Variants in LPP observed in about 807,000 individuals in gnomAD.
LPP encodes the protein lipoma-preferred partner.
In LPP, 38 loss-of-function variants were observed where a neutral mutation model predicts 60.4. The ratio of observed to expected loss-of-function variants is 0.63; its 90% confidence interval spans 0.49 to 0.83. LPP has a LOEUF of 0.83. Among genes scored for constraint, LPP ranks in the 40% least tolerant of loss-of-function variants. The probability of loss-of-function intolerance (pLI) is 0.00; values close to 1 mark genes in which losing one functional copy is unlikely to be tolerated. For missense variants in LPP, 902 were observed against 783.6 expected (o/e 1.15, Z -1.80); for synonymous variants, 328 against 290.8 (o/e 1.13, Z -1.30).
chr3:188,224,254 A>G (rs1379693219), intron 1 of LPP, among the ~76,000 whole-genome samples: 1 of 152,172 alleles, frequency 6.6e-6, no homozygotes, highest in Non-Finnish European at 1.5e-5. Context: ...GGTCATTTAA[A>G]AAATCCCTCC....
chr3:188,650,792 T>C (rs1369407546), intron 7 of LPP, among the ~76,000 whole-genome samples: 4 of 152,202 alleles, frequency 2.6e-5, no homozygotes, highest in Non-Finnish European at 5.9e-5. Flanking sequence ...CTATAATTCA[T>C]AGGCAAAATC....
Position 188,890,335 on chromosome 3 carries a change from G to A in LPP, c.*15856G>A, listed in dbSNP as rs1771113081. On this transcript the variant is annotated 3_prime_UTR_variant, in exon 12 of 12. Coordinates refer to ENST00000617246, the MANE Select transcript of LPP (RefSeq NM_001375462.1). ...AGAGCCATGGTATTCCTAAAATATA[G>A]GTTTCTCTTTTTTCTTGTATTCTTA... 1 of 205,492 alleles carries A rather than the reference G, an allele frequency of 4.9e-6. No individual in the cohort carries two copies. The highest frequency in any genetic ancestry group is 2.3e-5 in the African/African-American group (1 of 43,774). 12.7% of individuals were successfully genotyped at this position (205,492 alleles called of 1,614,324 possible).
Position 188,885,249 on chromosome 3 carries a change from C to A in LPP, c.*10770C>A. ...ATCTCCTGCATTAAATCTAAGAATC[C>A]TTTAAAATAATCACACCTGATAAGT... is the stretch of plus-strand genomic sequence containing the variant. On this transcript the variant is annotated 3_prime_UTR_variant, in exon 12 of 12. Transcript: ENST00000617246. 5.0e-6 allele frequency: 1 copy of A among 200,972 alleles called. No individual in the cohort carries two copies. The allele number at this position is 200,972 out of a possible 1,614,324, so 12.4% of individuals were successfully genotyped here.
intron 6 of LPP, among the ~76,000 whole-genome samples, chr3:188,539,721 A>G (rs189125787): frequency 2.4e-4 from 37 of 152,304 alleles, no homozygotes; most frequent in Non-Finnish European, 2.8e-4. Context: ...GTGAAAATAC[A>G]ATATCTTGTA....
At chr3:188,732,111 CTTTCA>C (rs1720830280) in intron 8 of LPP, among the ~76,000 whole-genome samples, 1 of 152,144 alleles carries the variant, frequency 6.6e-6, no homozygotes, top group Non-Finnish European at 1.5e-5. Flanking sequence ...ACAGTAGAAA[CTTTCA>C]TGGAATACAC....
intron 3 of LPP, among the ~76,000 whole-genome samples, chr3:188,349,166 C>T (rs1487022268): frequency 6.6e-6 from 1 of 152,082 alleles, no homozygotes; most frequent in East Asian, 1.9e-4. Context: ...CCCTATTACT[C>T]AATTCCTAGA....
chr3:188,429,932 C>T (rs1347781991), intron 4 of LPP, among the ~76,000 whole-genome samples: 1 of 152,112 alleles, frequency 6.6e-6, no homozygotes, highest in Non-Finnish European at 1.5e-5. Context: ...CCTTATAGCA[C>T]TGTTATATGT....
chr3:188,404,464 C>G (rs1420626846), intron 3 of LPP, among the ~76,000 whole-genome samples: 1 of 152,168 alleles, frequency 6.6e-6, no homozygotes, highest in Non-Finnish European at 1.5e-5. Flanking sequence ...AGGCTGGTCT[C>G]AAACTCCTGG....
At chr3:188,654,787 C>G in intron 7 of LPP, among the ~76,000 whole-genome samples, 1 of 152,266 alleles carries the variant, frequency 6.6e-6, no homozygotes, top group African/African-American at 2.4e-5. Context: ...GTACAAGAAT[C>G]CTTTCACAAA....
chr3:188,284,148 T>C (rs778118029), intron 2 of LPP, among the ~76,000 whole-genome samples: 1 of 151,848 alleles, frequency 6.6e-6, no homozygotes, highest in Non-Finnish European at 1.5e-5. Context: ...TCCCAGCACT[T>C]TGAGAGGCCA....
chr3:188,471,127 T>C (rs977718486), intron 4 of LPP, among the ~76,000 whole-genome samples: 10 of 152,172 alleles, frequency 6.6e-5, no homozygotes, highest in African/African-American at 2.4e-4. Flanking sequence ...ATTGACCATA[T>C]ATTAGAGAGT....
chr3:188,179,194 C>T (rs963621358), intron 1 of LPP: 18 of 455,248 alleles, frequency 4.0e-5, no homozygotes, highest in Admixed American at 1.7e-4. Context: ...ATGCTGCCCT[C>T]CAAGGCTTTT....
intron 6 of LPP, among the ~76,000 whole-genome samples, chr3:188,607,797 T>C (rs971928114): frequency 6.6e-6 from 1 of 152,192 alleles, no homozygotes; most frequent in African/African-American, 2.4e-5. Context: ...AATGCAGGTA[T>C]AGAAATTTAC....
At position 188,881,642 on chromosome 3, in the gene LPP, A is replaced by T. The variant is rs1181646889; in HGVS notation, c.*7163A>T. 1 of 223,466 alleles carries T rather than the reference A, an allele frequency of 4.5e-6. No homozygotes were observed. Among genetic ancestry groups the T allele is most frequent in the Non-Finnish European group, 8.9e-6 (1 of 111,832 alleles). 13.8% of individuals were successfully genotyped at this position (223,466 alleles called of 1,614,324 possible). ...TACTTTTTGTTCTGTACTATTTTGGATGTTGCCAAAATCAAATTCATCCTG... is the reference window on the plus strand; with the variant it reads ...TACTTTTTGTTCTGTACTATTTTGGTTGTTGCCAAAATCAAATTCATCCTG... On this transcript the variant is annotated 3_prime_UTR_variant, in exon 12 of 12. Transcript: ENST00000617246.
chr3:188,797,135 CTCCTCT>C (rs1192324233), intron 9 of LPP, among the ~76,000 whole-genome samples: 1 of 151,988 alleles, frequency 6.6e-6, no homozygotes, highest in Admixed American at 6.6e-5. Flanking sequence ...CCTCCTCCTC[CTCCTCT>C]TCCTCTTCCT....
chr3:188,812,509 C>T (rs1438679077), intron 9 of LPP, among the ~76,000 whole-genome samples: 1 of 152,110 alleles, frequency 6.6e-6, no homozygotes, highest in Non-Finnish European at 1.5e-5. Flanking sequence ...CTGAAAAAAG[C>T]ACAATTCAGT....
At position 188,863,646 on chromosome 3, in the gene LPP, C is replaced by T. The variant is rs573994006; in HGVS notation, c.1411-2554C>T. Among the ~76,000 whole-genome samples the T allele has an allele frequency of 2.6e-5, 4 of 152,310 alleles. No homozygotes were observed. The South Asian group carries it at 8.3e-4, about 32-fold the overall frequency. ...CGAAGGATAACATGTCCTTCTACATCATTCACTAGCCTAGGATGCCAGTCA... is the reference window on the plus strand; with the variant it reads ...CGAAGGATAACATGTCCTTCTACATTATTCACTAGCCTAGGATGCCAGTCA... On this transcript the variant is annotated intron_variant, in intron 9 of 11. Coordinates refer to ENST00000617246, the MANE Select transcript of LPP (RefSeq NM_001375462.1).
intron 7 of LPP, among the ~76,000 whole-genome samples, chr3:188,673,940 AGATGACT>A (rs1442236672): frequency 1.3e-5 from 2 of 149,304 alleles, no homozygotes; most frequent in African/African-American, 4.9e-5. Flanking sequence ...TCTCTCTAGG[AGATGACT>A]GATGAAATAT....
At chr3:188,246,667 A>G (rs1297101913) in intron 2 of LPP, among the ~76,000 whole-genome samples, 2 of 152,166 alleles carry the variant, frequency 1.3e-5, no homozygotes, top group Non-Finnish European at 2.9e-5. Context: ...GGAGCACTGA[A>G]TACACCCACA....
Sources: allele counts gnomAD v4.1 joint callset (sites outside exome capture counted in the v4.1 genomes callset), GRCh38; gene constraint gnomAD v4.1.1; transcripts MANE v1.5; gene names NCBI Gene and HGNC (gene_info 2026-07-23, HGNC 2026-07-21).